Variants in LONRF2 observed in about 807,000 individuals in gnomAD.
LONRF2 encodes LON peptidase N-terminal domain and ring finger 2.
In LONRF2, 35 loss-of-function variants were observed where a neutral mutation model predicts 66.6. The observed-to-expected ratio is 0.53, with a 90% CI of 0.40 to 0.70. The LOEUF is 0.70. LONRF2 is among the 30% of genes least tolerant of loss of function. The pLI, the probability that LONRF2 is intolerant of heterozygous loss-of-function variation, is 0.00. For synonymous variants in LONRF2, 417 were observed against 418.1 expected (o/e 1.00, Z 0.03); for missense variants, 902 against 1,002.1 (o/e 0.90, Z 1.35).
chr2:100,285,844 A>T (rs773614955), intron 11 of LONRF2, among the ~76,000 whole-genome samples: 14 of 152,206 alleles, frequency 9.2e-5, no homozygotes, highest in Non-Finnish European at 1.6e-4. Flanking sequence ...AAGATAATAC[A>T]TATGTGTTGT....
Position 100,309,134 on chromosome 2 carries a change from A to G in LONRF2, c.771T>C (p.Ala257=), listed in dbSNP as rs1675357881. The part of the protein sequence containing the change: ...YEQALQDASA[A]CQNEPLLIKG... ...TAATCAAGAGAGGTTCATTCTGACA[A>G]GCTGCACTGGCATCTTGGAGAGCTT... Residue 257 remains alanine (A), a synonymous_variant, in exon 2 of 12, where the codon GCT becomes GCC. Coordinates refer to ENST00000393437, the MANE Select transcript of LONRF2 (RefSeq NM_198461.4). 1 of 1,599,842 alleles carries G rather than the reference A, an allele frequency of 6.3e-7. No homozygotes were observed. Among genetic ancestry groups the G allele is most frequent in the South Asian group, 1.1e-5 (1 of 87,878 alleles).
chr2:100,309,366 C>T (rs1675365131), intron 1 of LONRF2, 141 bp from the exon 2 acceptor site: 2 of 400,448 alleles, frequency 5.0e-6, no homozygotes, highest in Non-Finnish European at 8.8e-6. Flanking sequence ...AGTATAAAAA[C>T]AAAATAAGAA....
chr2:100,316,319 A>AG, intron 1 of LONRF2, among the ~76,000 whole-genome samples: 1 of 33,988 alleles, frequency 2.9e-5, no homozygotes, highest in East Asian at 3.6e-4. Context: ...ACTCCATCTC[A>AG]AAAAAAAAAA....
At chr2:100,305,703 G>T (rs1437570585) in intron 2 of LONRF2, among the ~76,000 whole-genome samples, 1 of 152,152 alleles carries the variant, frequency 6.6e-6, no homozygotes, top group Non-Finnish European at 1.5e-5. Context: ...TGAGCTCCCT[G>T]AAGTCTCAAA....
chr2:100,295,925 G>A (rs979538605), intron 7 of LONRF2, among the ~76,000 whole-genome samples: 1 of 152,192 alleles, frequency 6.6e-6, no homozygotes, highest in South Asian at 2.1e-4. Context: ...GAGAAAGAAT[G>A]TAAGAATGAT....
At position 100,294,407 on chromosome 2, in the gene LONRF2, G is replaced by A; in HGVS notation, c.1599-20C>T. 6.5e-7 allele frequency: 1 copy of A among 1,541,834 alleles called. No individual in the cohort carries two copies. Among genetic ancestry groups the A allele is most frequent in the Non-Finnish European group, 8.7e-7 (1 of 1,150,266 alleles). ...GTCAGACTGCAGAGCAAGGGGACATGTTATCTCAGATGTATGAGCTGTTAG... is the reference window on the plus strand; with the variant it reads ...GTCAGACTGCAGAGCAAGGGGACATATTATCTCAGATGTATGAGCTGTTAG... On this transcript the variant is annotated intron_variant, in intron 8 of 11. Transcript: ENST00000393437.
chr2:100,310,078 T>A (rs1675379539), intron 1 of LONRF2, among the ~76,000 whole-genome samples: 1 of 152,234 alleles, frequency 6.6e-6, no homozygotes, highest in Admixed American at 6.5e-5. Flanking sequence ...CTCCTTTCTC[T>A]GCATTCCTCA....
In LONRF2 at chr2:100,316,337, AAG is replaced by A. The variant is rs547827200; in HGVS notation, c.679+5076_679+5077del. On this transcript the variant is annotated intron_variant, in intron 1 of 11. Transcript: ENST00000393437. Reference sequence around the variant, plus strand: ...CCATCTCAAAAAAAAAAAAAAAAAAAAGAAAGAAAATTTTCTAATAATTATTA... The same window carrying A: ...CCATCTCAAAAAAAAAAAAAAAAAAAAAAGAAAATTTTCTAATAATTATTA... Among the ~76,000 whole-genome samples, 659 of 123,540 alleles carry A rather than the reference AAG, an allele frequency of 5.3e-3. 1 individual carries two copies. The highest frequency in any genetic ancestry group is 0.031 in the East Asian group (138 of 4,488). 81.0% of individuals were successfully genotyped at this position (123,540 alleles called of 152,430 possible).
intron 7 of LONRF2, among the ~76,000 whole-genome samples, chr2:100,297,564 T>C (rs1391224556): frequency 6.6e-6 from 1 of 152,228 alleles, no homozygotes; most frequent in Non-Finnish European, 1.5e-5. Flanking sequence ...ATGCATTTTA[T>C]TCTTGTAAGA....
chr2:100,298,541 A>G (rs1225140122), intron 7 of LONRF2, among the ~76,000 whole-genome samples: 4 of 152,244 alleles, frequency 2.6e-5, no homozygotes, highest in African/African-American at 9.6e-5. Context: ...GCACCATGAC[A>G]ACGTCTCAAC....
At chr2:100,298,702 A>G in intron 7 of LONRF2, 134 bp downstream of exon 7, 1 of 644,416 alleles carries the variant, frequency 1.6e-6, no homozygotes, top group African/African-American at 1.8e-5. Flanking sequence ...AGAGATGAGA[A>G]AAGACCTATC....
chr2:100,284,570 C>T, intron 11 of LONRF2, 78 bp from the exon 12 acceptor site: 1 of 1,230,038 alleles, frequency 8.1e-7, no homozygotes. Context: ...TTTGCTCCAC[C>T]AACAGACACG....
chr2:100,299,026 T>C, intron 6 of LONRF2, 76 bp from the exon 7 acceptor site: 1 of 1,150,300 alleles, frequency 8.7e-7, no homozygotes, highest in South Asian at 1.2e-5. Flanking sequence ...TTTGAAGGAT[T>C]CCTTATGCAA....
At chr2:100,318,775 G>A (rs1675561921) in intron 1 of LONRF2, among the ~76,000 whole-genome samples, 2 of 150,288 alleles carry the variant, frequency 1.3e-5, no homozygotes, top group South Asian at 4.2e-4. Flanking sequence ...AGAGGTTGCA[G>A]TGACCGATAT....
intron 4 of LONRF2, among the ~76,000 whole-genome samples, chr2:100,300,284 G>A (rs1455484225): frequency 5.9e-5 from 9 of 151,580 alleles, no homozygotes; most frequent in Non-Finnish European, 1.5e-5. Flanking sequence ...AAGTTCTAGG[G>A]TACATGTGTA....
intron 4 of LONRF2, 65 bp from the exon 5 acceptor site, chr2:100,299,983 T>A (rs113350879): frequency 0.014 from 10,585 of 731,102 alleles, 129 homozygotes; most frequent in Middle Eastern, 0.085. Context: ...AGAAAAAGAA[T>A]GCAGAAGCCT....
chr2:100,303,117 A>T (rs1364958880), intron 2 of LONRF2, 74 bp from the exon 3 acceptor site: 1 of 1,371,150 alleles, frequency 7.3e-7, no homozygotes, highest in Non-Finnish European at 9.7e-7. Flanking sequence ...AACTTCCCTG[A>T]ACAAATTTAT....
chr2:100,300,019 A>AG (rs33984834), intron 4 of LONRF2, 101 bp from the exon 5 acceptor site: 15,521 of 395,424 alleles, frequency 0.039, 1,664 homozygotes, highest in African/African-American at 0.24. Context: ...GGAAAAAAAA[A>AG]GGGGGGGGCA....
rs765291514 is a variant in LONRF2, at chr2:100,303,021, G to A, written c.821C>T (p.Ala274Val). The A allele has an allele frequency of 3.7e-6, 6 of 1,607,612 alleles. No homozygotes were observed. The highest frequency in any genetic ancestry group is 5.1e-6 in the Non-Finnish European group (6 of 1,176,728). The change falls in exon 3 of 12, where the codon GCT (alanine) becomes GTT (valine). Residue 274 changes from alanine (A) to valine (V), a missense_variant. Physicochemically the swap from Ala to Val is moderately conservative, Grantham distance 64. Coordinates refer to ENST00000393437, the MANE Select transcript of LONRF2 (RefSeq NM_198461.4). The part of the protein sequence containing the change: ...LIKGHQVKAQ[A>V]LSGLGRSKEV... ...CTTACTTCTTCCCAATCCAGAAAGA[G>A]CCTGAGCTTTTACTTGATGTCCCTA...
Sources: allele counts gnomAD v4.1 joint callset (sites outside exome capture counted in the v4.1 genomes callset), GRCh38; gene constraint gnomAD v4.1.1; transcripts MANE v1.5; gene names NCBI Gene and HGNC (gene_info 2026-07-23, HGNC 2026-07-21).